Variants in ZMPSTE24 observed in about 807,000 individuals in gnomAD.
ZMPSTE24 encodes the protein CAAX prenyl protease 1 homolog.
ZMPSTE24 carries 48 observed loss-of-function variants against 56.7 expected under a neutral mutation model. The observed-to-expected ratio is 0.85, with a 90% CI of 0.67 to 1.08. The LOEUF (loss-of-function observed/expected upper bound fraction) is 1.08, where lower values mean the gene tolerates loss of function less well. ZMPSTE24 is among the 50% of genes least tolerant of loss of function. ZMPSTE24 has a pLI of 0.00. For synonymous variants in ZMPSTE24, 172 were observed against 195.2 expected, an observed-to-expected ratio of 0.88 and a Z score of 0.99; for missense variants, 503 against 548.7, an observed-to-expected ratio of 0.92 and a Z score of 0.83.
At chr1:40,267,593 T>C (rs1369217815) in intron 2 of ZMPSTE24, among the ~76,000 whole-genome samples, 193 bp from the exon 3 acceptor site, 1 of 147,672 alleles carries the variant, frequency 6.8e-6, no homozygotes, top group Non-Finnish European at 1.5e-5. Context: ...TGGTCTTGAA[T>C]TCCTGGCCTC....
intron 6 of ZMPSTE24, among the ~76,000 whole-genome samples, chr1:40,280,329 T>C (rs1006715793): frequency 6.6e-6 from 1 of 152,224 alleles, no homozygotes; most frequent in Non-Finnish European, 1.5e-5. Context: ...TCGTTAGCAG[T>C]TCCTGGGCCA....
intron 7 of ZMPSTE24, among the ~76,000 whole-genome samples, chr1:40,283,098 ATTC>A (rs1467507627): frequency 2.0e-5 from 3 of 152,230 alleles, no homozygotes; most frequent in Non-Finnish European, 4.4e-5. Flanking sequence ...ATGAAATAAA[ATTC>A]TGTGAAGGGA....
chr1:40,276,436 GGT>G (rs1445429854), intron 6 of ZMPSTE24, among the ~76,000 whole-genome samples: 1 of 151,708 alleles, frequency 6.6e-6, no homozygotes, highest in Non-Finnish European at 1.5e-5. Flanking sequence ...AGGAGAAACT[GGT>G]GTCTCAAAAA....
chr1:40,287,956 C>T (rs1342736816), intron 8 of ZMPSTE24, among the ~76,000 whole-genome samples: 3 of 151,984 alleles, frequency 2.0e-5, no homozygotes, highest in African/African-American at 7.2e-5. Flanking sequence ...GAGGGAAGAT[C>T]ATCTGAGGCC....
Position 40,271,904 on chromosome 1 carries a change from C to T in ZMPSTE24, c.638C>T (p.Thr213Ile). The T allele has an allele frequency of 6.2e-7, 1 of 1,613,582 alleles. No homozygotes were observed. Among genetic ancestry groups the T allele is most frequent in the Non-Finnish European group, 8.5e-7 (1 of 1,179,690 alleles). The change falls in exon 6 of 10, where the codon ACA becomes ATA. Residue 213 changes from threonine (T) to isoleucine (I), a missense_variant. Coordinates refer to ENST00000372759, the MANE Select transcript of ZMPSTE24 (RefSeq NM_005857.5). ...ACATTTACTTTTCAGGTTCTTGTCA[C>T]AATCTATGCTGATTATATTGCCCCT... is the stretch of plus-strand genomic sequence containing the variant. ...FTLVVSLVLVTIYADYIAPLF... is the reference protein window; with the variant it reads ...FTLVVSLVLVIIYADYIAPLF...
intron 6 of ZMPSTE24, among the ~76,000 whole-genome samples, chr1:40,276,461 C>T (rs1172687541): frequency 6.6e-6 from 1 of 152,026 alleles, no homozygotes; most frequent in Admixed American, 6.6e-5. Context: ...AGGAGAAGAT[C>T]GTGTTTTAAG....
At chr1:40,291,926 C>T (rs560003432) in intron 9 of ZMPSTE24, among the ~76,000 whole-genome samples, 13 of 151,340 alleles carry the variant, frequency 8.6e-5, no homozygotes, top group African/African-American at 2.4e-4. Context: ...CTGCAACCTC[C>T]GCCTCCCGGG....
intron 2 of ZMPSTE24, among the ~76,000 whole-genome samples, chr1:40,266,554 C>CACCTCA (rs1643550298): frequency 1.3e-5 from 2 of 152,082 alleles, no homozygotes. Context: ...GAAAGCCGGG[C>CACCTCA]CCCTACCTCA....
In ZMPSTE24 at chr1:40,277,376, G is replaced by A. The variant is rs186837370; in HGVS notation, c.770-3967G>A. Among the ~76,000 whole-genome samples, 107 of 152,012 alleles carry A rather than the reference G, an allele frequency of 7.0e-4. 1 individual carries two copies. The highest frequency in any genetic ancestry group is 2.5e-3 in the African/African-American group (103 of 41,500). On this transcript the variant is annotated intron_variant, in intron 6 of 9. Coordinates refer to ENST00000372759, the MANE Select transcript of ZMPSTE24 (RefSeq NM_005857.5). The stretch of plus-strand genomic sequence containing the variant: ...GCTGGGATTACAGGCATGAGCCACC[G>A]CACCCTGCCAGGGATTCTTAAACTT...
Position 40,270,084 on chromosome 1 carries a change from A to AT in ZMPSTE24, c.591dup (p.Ile198TyrfsTer20), listed in dbSNP as rs281875367. 3.1e-6 allele frequency: 5 copies of AT among 1,613,640 alleles called. No homozygotes were observed. Among genetic ancestry groups the AT allele is most frequent in the Non-Finnish European group, 3.4e-6 (4 of 1,179,876 alleles). ...TACATTATTAAAATTGGGGGTGACT[A>AT]TTTTTTTATTTATGCCTGGCTGTTC... On this transcript the variant is annotated frameshift_variant, in exon 5 of 10. Coordinates refer to ENST00000372759, the MANE Select transcript of ZMPSTE24 (RefSeq NM_005857.5). LOFTEE classifies it high-confidence loss of function.
chr1:40,288,693 C>T (rs1643810007), intron 8 of ZMPSTE24, among the ~76,000 whole-genome samples: 2 of 152,186 alleles, frequency 1.3e-5, no homozygotes, highest in African/African-American at 4.8e-5. Context: ...CCATGGGACT[C>T]TTTGGGTGAA....
intron 8 of ZMPSTE24, among the ~76,000 whole-genome samples, chr1:40,287,475 G>A (rs752686203): frequency 1.6e-4 from 25 of 151,606 alleles, no homozygotes; most frequent in Non-Finnish European, 3.7e-4. Flanking sequence ...TCAGGAGATC[G>A]AGACCAGCCT....
At chr1:40,267,330 T>A (rs1455560049) in intron 2 of ZMPSTE24, among the ~76,000 whole-genome samples, 1 of 137,840 alleles carries the variant, frequency 7.3e-6, no homozygotes, top group Non-Finnish European at 1.5e-5. Flanking sequence ...ATATTTTATT[T>A]TGTTATTTTA....
chr1:40,292,424 C>T, intron 9 of ZMPSTE24, 21 bp from the exon 10 acceptor site: 1 of 1,611,346 alleles, frequency 6.2e-7, no homozygotes, highest in Non-Finnish European at 8.5e-7. Context: ...GTGGCTAAAA[C>T]CCTTTCATTT....
At chr1:40,286,115 C>T in intron 8 of ZMPSTE24, 86 bp downstream of exon 8, 1 of 1,170,756 alleles carries the variant, frequency 8.5e-7, no homozygotes, top group South Asian at 1.3e-5. Context: ...TAAGAGAGGC[C>T]AAGGCAGACA....
intron 2 of ZMPSTE24, among the ~76,000 whole-genome samples, chr1:40,262,152 C>G (rs1021897886): frequency 1.3e-5 from 2 of 152,236 alleles, no homozygotes; most frequent in Admixed American, 1.3e-4. Context: ...AAGAAACTGG[C>G]TTTATGTAGC....
rs374301030 is a variant in ZMPSTE24, at chr1:40,258,286, A to C, written c.15A>C (p.Ala5=). 6.2e-6 allele frequency: 10 copies of C among 1,613,954 alleles called. No individual in the cohort carries two copies. The African/African-American group carries it at 1.3e-4, about 22-fold the overall frequency. The change falls in exon 1 of 10, where the codon GCA becomes GCC. Residue 5 remains alanine (A), a synonymous_variant. Transcript: ENST00000372759. ...ACCGGGTGGCCATGGGGATGTGGGC[A>C]TCGCTGGACGCTTTGTGGGAGATGC... MGMW[A]SLDALWEMPA... is the part of the protein sequence containing the mutation.
intron 2 of ZMPSTE24, among the ~76,000 whole-genome samples, chr1:40,261,423 C>T (rs762937646): frequency 9.2e-5 from 14 of 151,644 alleles, no homozygotes; most frequent in Non-Finnish European, 1.6e-4. Flanking sequence ...GATCTTGGCT[C>T]ACTGCAACCT....
rs1335561156 is a variant in ZMPSTE24, at chr1:40,263,586, A to G, written c.270+2601A>G. Among the ~76,000 whole-genome samples, 4 of 152,202 alleles carry G rather than the reference A, an allele frequency of 2.6e-5. No individual in the cohort carries two copies. The South Asian group carries it at 6.2e-4, about 24-fold the overall frequency. On this transcript the variant is annotated intron_variant, in intron 2 of 9. Transcript: ENST00000372759. Reference sequence around the variant, plus strand: ...CTCTGGGGATTTTCTGGCTGCATTTATGCTTGGCAGGAAGAATATTTTGGG... The same window carrying G: ...CTCTGGGGATTTTCTGGCTGCATTTGTGCTTGGCAGGAAGAATATTTTGGG...
Sources: allele counts gnomAD v4.1 joint callset (sites outside exome capture counted in the v4.1 genomes callset), GRCh38; gene constraint gnomAD v4.1.1; transcripts MANE v1.5; gene names NCBI Gene and HGNC (gene_info 2026-07-23, HGNC 2026-07-21).